GPR39: variants seen among roughly 807,000 people sequenced by gnomAD.
The protein encoded by GPR39 is G protein-coupled receptor 39, also known as zinc sensing receptor.
In GPR39, 23 loss-of-function variants were observed where a neutral mutation model predicts 18.4. That is an observed-to-expected ratio of 1.25 (90% confidence interval 0.90 to 1.77). The LOEUF (loss-of-function observed/expected upper bound fraction) is 1.77. GPR39 is among the 40% of genes most tolerant of loss of function. The pLI, the probability that GPR39 is intolerant of heterozygous loss-of-function variation, is 0.00. For synonymous variants in GPR39, 280 were observed against 257.9 expected (o/e 1.09, Z -0.82); for missense variants, 647 against 602.4 (o/e 1.07, Z -0.78).
chr2:132,519,058 A>G (rs763080029), intron 1 of GPR39, among the ~76,000 whole-genome samples: 2 of 152,198 alleles, frequency 1.3e-5, no homozygotes, highest in Non-Finnish European at 2.9e-5. Context: ...TTGCTCAATG[A>G]TGATAAAGAA....
intron 1 of GPR39, among the ~76,000 whole-genome samples, chr2:132,598,431 C>CTTTTTTTTT (rs34104835): frequency 0.014 from 1,297 of 90,150 alleles, 30 homozygotes; most frequent in Admixed American, 0.027. Flanking sequence ...CTAAGGTGAA[C>CTTTTTTTTT]TTTTTTTTTT....
chr2:132,493,071 TACCACATATATACCATATATATAC>T (rs1681533303), intron 1 of GPR39, among the ~76,000 whole-genome samples: 1 of 18,554 alleles, frequency 5.4e-5, no homozygotes, highest in Non-Finnish European at 2.7e-4. Context: ...ACCATATATA[TACCACATATATACCATATATATAC>T]ACCATATATA....
At chr2:132,474,679 G>A (rs1005349291) in intron 1 of GPR39, among the ~76,000 whole-genome samples, 1 of 152,170 alleles carries the variant, frequency 6.6e-6, no homozygotes, top group African/African-American at 2.4e-5. Flanking sequence ...TATTGATCGA[G>A]GCAGCCCAGT....
intron 1 of GPR39, among the ~76,000 whole-genome samples, chr2:132,495,602 G>A (rs575725343): frequency 3.0e-4 from 45 of 152,244 alleles, no homozygotes; most frequent in Middle Eastern, 6.8e-3. Context: ...TTCACTTAAG[G>A]TGCACAGAGC....
At chr2:132,588,499 C>A (rs141055860) in intron 1 of GPR39, among the ~76,000 whole-genome samples, 13 of 152,264 alleles carry the variant, frequency 8.5e-5, no homozygotes, top group South Asian at 4.1e-4. Flanking sequence ...AGGCTGGGGG[C>A]TGACTTGATG....
At position 132,567,586 on chromosome 2, in the gene GPR39, A is replaced by G. The variant is rs1260300516; in HGVS notation, c.857-77515A>G. Among the ~76,000 whole-genome samples, 4 of 152,214 alleles carry G rather than the reference A, an allele frequency of 2.6e-5. No individual in the cohort carries two copies. The East Asian group carries it at 7.7e-4, about 29-fold the overall frequency. On this transcript the variant is annotated intron_variant, in intron 1 of 1. Coordinates refer to ENST00000329321, the MANE Select transcript of GPR39 (RefSeq NM_001508.3). ...TTCTCGGCCTCCTGAATGGTAAGAA[A>G]GAAATTTCTTTTCTTTATAAATTAC...
chr2:132,464,113 A>C (rs1447515646), intron 1 of GPR39, among the ~76,000 whole-genome samples: 1 of 152,262 alleles, frequency 6.6e-6, no homozygotes, highest in African/African-American at 2.4e-5. Flanking sequence ...GATAGATGTT[A>C]AATTAAAAAT....
intron 1 of GPR39, among the ~76,000 whole-genome samples, chr2:132,519,286 T>C (rs1422333400): frequency 6.6e-6 from 1 of 151,824 alleles, no homozygotes; most frequent in Non-Finnish European, 1.5e-5. Context: ...GAAGGTTGTT[T>C]ATTATTATTA....
intron 1 of GPR39, among the ~76,000 whole-genome samples, chr2:132,596,465 T>G (rs937316823): frequency 3.9e-5 from 6 of 152,166 alleles, no homozygotes; most frequent in African/African-American, 1.4e-4. Context: ...TTTTGTGCCC[T>G]TATCTTTCTC....
rs1680972787 is a variant in GPR39, at chr2:132,468,587, A to G, written c.856+50689A>G. Reference sequence around the variant, plus strand: ...AATGATGAATTGAGTTTGGAACGTGAGACTGAGAGGTTGGGCCCTATACTT... The same window carrying G: ...AATGATGAATTGAGTTTGGAACGTGGGACTGAGAGGTTGGGCCCTATACTT... On this transcript the variant is annotated intron_variant, in intron 1 of 1. Transcript: ENST00000329321. Among the ~76,000 whole-genome samples, 2 of 152,202 alleles carry G rather than the reference A, an allele frequency of 1.3e-5. 1 individual carries two copies. The highest frequency in any genetic ancestry group is 4.1e-4 in the South Asian group (2 of 4,820).
At chr2:132,624,481 A>C (rs1681506904) in intron 1 of GPR39, among the ~76,000 whole-genome samples, 1 of 152,226 alleles carries the variant, frequency 6.6e-6, no homozygotes, top group Non-Finnish European at 1.5e-5. Context: ...ATTAAAGTTT[A>C]CAACATACAT....
chr2:132,430,239 C>A (rs1206092814), intron 1 of GPR39, among the ~76,000 whole-genome samples: 1 of 152,154 alleles, frequency 6.6e-6, no homozygotes, highest in African/African-American at 2.4e-5. Context: ...TTAAAAATGC[C>A]CTACTCCAGT....
At chr2:132,419,587 A>G (rs994190185) in intron 1 of GPR39, among the ~76,000 whole-genome samples, 1 of 152,162 alleles carries the variant, frequency 6.6e-6, no homozygotes, top group Non-Finnish European at 1.5e-5. Flanking sequence ...GGTTGCTACT[A>G]CTCAAATATT....
Position 132,645,806 on chromosome 2 carries a change from G to A in GPR39, c.*200G>A, listed in dbSNP as rs1682037903. 1.9e-5 allele frequency: 14 copies of A among 749,770 alleles called. 1 individual carries two copies. The highest frequency in any genetic ancestry group is 3.9e-4 in the Middle Eastern group (1 of 2,588). 46.4% of individuals were successfully genotyped at this position (749,770 alleles called of 1,614,324 possible). A position where few individuals can be genotyped will look rare whatever the true frequency, so the allele number is the denominator to read the frequency against. On this transcript the variant is annotated 3_prime_UTR_variant, in exon 2 of 2. Transcript: ENST00000329321. ...CTTGACTCCGGTTACACAGACATGG[G>A]GGTGAACTTTCACTCCACCTCCTTC...
At chr2:132,563,636 C>T (rs574320201) in intron 1 of GPR39, among the ~76,000 whole-genome samples, 16 of 152,332 alleles carry the variant, frequency 1.1e-4, no homozygotes, top group Non-Finnish European at 1.6e-4. Flanking sequence ...CCTTCCAGCT[C>T]AGAGCTTCTC....
In GPR39 at chr2:132,646,030, G is replaced by C. The variant is rs1394222861; in HGVS notation, c.*424G>C. On this transcript the variant is annotated 3_prime_UTR_variant, in exon 2 of 2. Coordinates refer to ENST00000329321, the MANE Select transcript of GPR39 (RefSeq NM_001508.3). ...TGGAAGAACAATGCAGGAGGGGGTG[G>C]CATCTCCTTCAGCTTCAGCAGTGTG... 2.6e-6 allele frequency: 4 copies of C among 1,509,816 alleles called. No individual in the cohort carries two copies. In the South Asian group the frequency reaches 5.2e-5, roughly 20 times the overall value. 93.5% of individuals were successfully genotyped at this position (1,509,816 alleles called of 1,614,324 possible).
At chr2:132,602,883 A>AAC (rs1553459521) in intron 1 of GPR39, among the ~76,000 whole-genome samples, 2 of 151,550 alleles carry the variant, frequency 1.3e-5, no homozygotes, top group African/African-American at 2.4e-5. Context: ...AAAAAAAAAA[A>AAC]AACAAATGCT....
At position 132,645,650 on chromosome 2, in the gene GPR39, C is replaced by T; in HGVS notation, c.*44C>T. 6.4e-7 allele frequency: 1 copy of T among 1,571,172 alleles called. No homozygotes were observed. The highest frequency in any genetic ancestry group is 1.2e-5 in the South Asian group (1 of 83,108). ...TTGAGTGGGAACTGGCCCTCCAGCC[C>T]TAAGAAAACGTCACTCTCACTCTGC... On this transcript the variant is annotated 3_prime_UTR_variant, in exon 2 of 2. Transcript: ENST00000329321.
intron 1 of GPR39, among the ~76,000 whole-genome samples, chr2:132,505,168 G>A (rs529745135): frequency 2.0e-5 from 3 of 152,308 alleles, no homozygotes; most frequent in Admixed American, 2.0e-4. Flanking sequence ...TAGGGACTCT[G>A]CTGAGTTCTG....
Sources: gnomAD v4.1 joint callset for allele counts (sites outside exome capture counted in the v4.1 genomes callset) on GRCh38, gnomAD v4.1.1 for gene constraint, MANE v1.5 for transcripts, NCBI Gene and HGNC (gene_info 2026-07-23, HGNC 2026-07-21) for gene names.